NOL8: variants seen among roughly 807,000 people sequenced by gnomAD.
The protein encoded by NOL8 is nucleolar protein 8.
A neutral mutation model predicts 116.1 loss-of-function variants in NOL8; 93 were observed. The observed-to-expected ratio is 0.80, with a 90% CI of 0.68 to 0.95. NOL8 has a LOEUF of 0.95. Among genes scored for constraint, NOL8 ranks in the 40% least tolerant of loss-of-function variants. The probability of loss-of-function intolerance (pLI) is 0.00; values close to 1 mark genes in which losing one functional copy is unlikely to be tolerated. For synonymous variants in NOL8, 419 were observed against 469.0 expected, an observed-to-expected ratio of 0.89 and a Z score of 1.38; for missense variants, 1,291 against 1,382.8, an observed-to-expected ratio of 0.93 and a Z score of 1.05.
rs768832910 is a variant in NOL8 at position 92,299,901 on chromosome 9, G to A, written c.3291C>T (p.Asn1097=). The A allele has an allele frequency of 2.5e-5, 41 of 1,613,498 alleles. No homozygotes were observed. In the East Asian group the frequency reaches 8.9e-4, roughly 35 times the overall value. ...EDVTEETDHR[N]SSPGEASLLE... is the part of the protein sequence containing the mutation. ...AACAAATTGTTTACCCAGGACTGGA[G>A]TTTCTGTGATCTGTTTCTTCAGTAA... is the stretch of plus-strand genomic sequence containing the variant. Residue 1097 remains asparagine, a synonymous_variant, in exon 14 of 17, where the codon AAC becomes AAT. Coordinates refer to ENST00000442668, the MANE Select transcript of NOL8 (RefSeq NM_017948.6).
chr9:92,322,973 C>A (rs1840046222), intron 3 of NOL8: 1 of 156,042 alleles, frequency 6.4e-6, no homozygotes, highest in Non-Finnish European at 1.4e-5. Flanking sequence ...ATCTCCCATT[C>A]TTCATTGAAG....
rs1170180810 is a variant in NOL8, at chr9:92,299,763, AT to A, written c.3302+126del. On this transcript the variant is annotated intron_variant, in intron 14 of 16. Coordinates refer to ENST00000442668, the MANE Select transcript of NOL8 (RefSeq NM_017948.6). Reference sequence around the variant, plus strand: ...CAACACTCCGTCTCAAAAAAAAAAAATAAAATAAAAAAAGAAGCTAAGACAA... The same window carrying A: ...CAACACTCCGTCTCAAAAAAAAAAAAAAAATAAAAAAAGAAGCTAAGACAA... 5.3e-5 allele frequency: 56 copies of A among 1,048,378 alleles called. 1 individual carries two copies. The highest frequency in any genetic ancestry group is 3.4e-4 in the Middle Eastern group (1 of 2,956). The allele number at this position is 1,048,378 out of a possible 1,614,324, so 64.9% of individuals were successfully genotyped here. A position where few individuals can be genotyped will look rare whatever the true frequency, so the allele number is the denominator to read the frequency against.
In NOL8 at chr9:92,304,244, A is replaced by G. The variant is rs77568169; in HGVS notation, c.2903+1509T>C. Among the ~76,000 whole-genome samples the G allele has an allele frequency of 5.8e-3, 890 of 152,222 alleles. 47 individuals carry two copies. The East Asian group carries it at 0.092, about 16-fold the overall frequency. On this transcript the variant is annotated intron_variant, in intron 12 of 16. Transcript: ENST00000442668. ...CAGTCCTAATCAAAGACCTTCCAAC[A>G]TTTGTCTGTCTAGATTTCAGAGTTA...
At position 92,314,874 on chromosome 9, in the gene NOL8, G is replaced by T; in HGVS notation, c.1751C>A (p.Ser584Ter). Reference sequence around the variant, plus strand: ...ACTGTCTTTCAAGGATTTTTTCATTGACTCCTTTTCATATAGACAGCCTAC... The same window carrying T: ...ACTGTCTTTCAAGGATTTTTTCATTTACTCCTTTTCATATAGACAGCCTAC... ...KGVGCLYEKE[S>*]MKKSLKDSVA... The change falls in exon 7 of 17, where the codon TCA becomes TAA. Residue 584 changes from serine (S) to a stop codon, truncating the protein, a stop_gained. Coordinates refer to ENST00000442668, the MANE Select transcript of NOL8 (RefSeq NM_017948.6). LOFTEE classifies it high-confidence loss of function. 2 of 1,613,318 alleles carry T rather than the reference G, an allele frequency of 1.2e-6. No homozygotes were observed. Among genetic ancestry groups the T allele is most frequent in the South Asian group, 1.1e-5 (1 of 91,016 alleles).
In NOL8 at chr9:92,315,719, A is replaced by T; in HGVS notation, c.906T>A (p.Thr302=). 6.2e-7 allele frequency: 1 copy of T among 1,613,024 alleles called. No homozygotes were observed. The highest frequency in any genetic ancestry group is 8.5e-7 in the Non-Finnish European group (1 of 1,179,376). The change falls in exon 7 of 17, where the codon ACT becomes ACA. Residue 302 remains threonine (T), a synonymous_variant. Transcript: ENST00000442668. ...TCATTCTCAATTCATCTTCAGAATCAGTATCATCATCAGAAATGCTGTTTC... is the reference window on the plus strand; with the variant it reads ...TCATTCTCAATTCATCTTCAGAATCTGTATCATCATCAGAAATGCTGTTTC... ...KKRNSISDDD[T]DSEDELRMMI...
intron 7 of NOL8, among the ~76,000 whole-genome samples, chr9:92,312,474 A>G (rs1838897284): frequency 7.2e-6 from 1 of 138,324 alleles, no homozygotes; most frequent in Non-Finnish European, 1.6e-5. Flanking sequence ...AAAAAAAAAG[A>G]ACAATCAACA....
chr9:92,321,272 A>G lies in NOL8; in HGVS notation c.281+396T>C, dbSNP rs547812574. 2.0e-5 allele frequency among the ~76,000 whole-genome samples: 3 copies of G among 152,364 alleles called. No homozygotes were observed. The South Asian group carries it at 6.2e-4, about 32-fold the overall frequency. On this transcript the variant is annotated intron_variant, in intron 4 of 16. Coordinates refer to ENST00000442668, the MANE Select transcript of NOL8 (RefSeq NM_017948.6). ...CATCTATGACCATGAAAAAGTAGAA[A>G]CAGTCATCAGTGGGAAGGGACCACT... is the stretch of plus-strand genomic sequence containing the variant.
At position 92,315,059 on chromosome 9, in the gene NOL8, G is replaced by T; in HGVS notation, c.1566C>A (p.Gly522=). The T allele has an allele frequency of 1.9e-6, 3 of 1,614,044 alleles. No individual in the cohort carries two copies. The highest frequency in any genetic ancestry group is 2.5e-6 in the Non-Finnish European group (3 of 1,179,902). The change falls in exon 7 of 17, where the codon GGC becomes GGA. Residue 522 remains glycine (G), a synonymous_variant. Coordinates refer to ENST00000442668, the MANE Select transcript of NOL8 (RefSeq NM_017948.6). ...CAGTGGGAGTCTTGGGGCTCTTGGA[G>T]CCTCTGTCAAACTTGCATTGGGTGG... The part of the protein sequence containing the change: ...ETTTQCKFDR[G]SKSPKTPTGL...
chr9:92,319,503 C>CA (rs1839739016), intron 4 of NOL8, 147 bp from the exon 5 acceptor site: 1 of 681,566 alleles, frequency 1.5e-6, no homozygotes, highest in African/African-American at 1.9e-5. Context: ...TTCTTAGTAG[C>CA]ATAATAGCTT....
chr9:92,310,093 TAAAC>T (rs2134112962), intron 10 of NOL8, 74 bp downstream of exon 10: 2 of 985,198 alleles, frequency 2.0e-6, no homozygotes, highest in African/African-American at 1.6e-5. Flanking sequence ...CTTCATGTGT[TAAAC>T]AAAGGAGGTA....
At chr9:92,300,348 T>G in intron 13 of NOL8, 2 of 995,878 alleles carry the variant, frequency 2.0e-6, no homozygotes, top group Non-Finnish European at 1.2e-6. Context: ...TGTGCTTGCA[T>G]GAGAAGCCTA....
Position 92,297,826 on chromosome 9 carries a change from C to T in NOL8, c.*10G>A. On this transcript the variant is annotated 3_prime_UTR_variant, in exon 17 of 17. Transcript: ENST00000442668. ...TGTTCACATTCAGTATCAAAACCAG[C>T]TGACATTTATTATTTTGGTTTCATT... is the stretch of plus-strand genomic sequence containing the variant. 6.5e-7 allele frequency: 1 copy of T among 1,546,288 alleles called. No homozygotes were observed. The highest frequency in any genetic ancestry group is 1.2e-5 in the South Asian group (1 of 83,134).
At chr9:92,299,447 AC>A (rs1434372088) in intron 14 of NOL8, among the ~76,000 whole-genome samples, 2 of 152,208 alleles carry the variant, frequency 1.3e-5, no homozygotes, top group Non-Finnish European at 2.9e-5. Flanking sequence ...AGGCTAGAGA[AC>A]ACTCTAAAGA....
intron 10 of NOL8, 40 bp downstream of exon 10, chr9:92,310,131 C>T: frequency 3.5e-6 from 5 of 1,426,236 alleles, no homozygotes; most frequent in South Asian, 1.2e-5. Context: ...CTCAGTGTCC[C>T]CAGATATGAC....
At chr9:92,322,690 C>T (rs1044033829) in intron 3 of NOL8, among the ~76,000 whole-genome samples, 24 of 152,202 alleles carry the variant, frequency 1.6e-4, no homozygotes, top group Non-Finnish European at 8.8e-5. Context: ...TTTTGTCATT[C>T]ATCACATAAG....
Position 92,314,800 on chromosome 9 carries a change from T to A in NOL8, c.1825A>T (p.Ser609Cys). 6.2e-7 allele frequency: 1 copy of A among 1,613,686 alleles called. No homozygotes were observed. Among genetic ancestry groups the A allele is most frequent in the Non-Finnish European group, 8.5e-7 (1 of 1,179,796 alleles). ...GACCCATCTTCCATGGATATGATAC[T>A]GGGATCCTCATGTTTCATGGAATTC... is the stretch of plus-strand genomic sequence containing the variant. ...DQNSMKHEDPSIISMEDGSPY... is the reference protein window; with the variant it reads ...DQNSMKHEDPCIISMEDGSPY... Residue 609 changes from serine to cysteine, a missense_variant, in exon 7 of 17, where the codon AGT becomes TGT. Ser to Cys is a moderately radical substitution (Grantham distance 112). Transcript: ENST00000442668.
At chr9:92,297,929 T>C (rs1837377047) in intron 16 of NOL8, 43 bp from the exon 17 acceptor site, 2 of 1,489,940 alleles carry the variant, frequency 1.3e-6, no homozygotes, top group South Asian at 1.3e-5. Context: ...ACAAATTGTT[T>C]TTAAGATGTT....
chr9:92,303,293 T>C (rs1837910032), intron 12 of NOL8, among the ~76,000 whole-genome samples: 1 of 152,170 alleles, frequency 6.6e-6, no homozygotes, highest in African/African-American at 2.4e-5. Context: ...CTATAGTCCA[T>C]GGGCCAAGTC....
At chr9:92,303,789 G>A (rs554593869) in intron 12 of NOL8, among the ~76,000 whole-genome samples, 1 of 152,172 alleles carries the variant, frequency 6.6e-6, no homozygotes, top group East Asian at 1.9e-4. Flanking sequence ...AGGTGACAGA[G>A]CAAGACCCTG....
Sources: gnomAD v4.1 joint callset for allele counts (sites outside exome capture counted in the v4.1 genomes callset) on GRCh38, gnomAD v4.1.1 for gene constraint, MANE v1.5 for transcripts, NCBI Gene and HGNC (gene_info 2026-07-23, HGNC 2026-07-21) for gene names.